Variants in MSR1 observed in about 807,000 individuals in gnomAD.
The protein encoded by MSR1 is macrophage scavenger receptor 1.
A neutral mutation model predicts 47.2 loss-of-function variants in MSR1; 53 were observed. The ratio of observed to expected loss-of-function variants is 1.12; its 90% CI spans 0.90 to 1.41. The LOEUF is 1.41. Ranked by LOEUF, MSR1 falls within the 40% of genes most tolerant of loss-of-function variation. MSR1 has a pLI of 0.00. For missense variants in MSR1, 786 were observed against 546.9 expected (o/e 1.44, Z -4.36); for synonymous variants, 239 against 185.6 (o/e 1.29, Z -2.34).
chr8:16,114,620 C>T (rs1434762223), intron 9 of MSR1, among the ~76,000 whole-genome samples: 1 of 152,000 alleles, frequency 6.6e-6, no homozygotes, highest in Non-Finnish European at 1.5e-5. Context: ...CAGTAGATGC[C>T]CCTCAGTGCT....
intron 5 of MSR1, among the ~76,000 whole-genome samples, chr8:16,156,182 C>T (rs543834103): frequency 6.6e-6 from 1 of 151,934 alleles, no homozygotes; most frequent in African/African-American, 2.4e-5. Flanking sequence ...CATAGATTCA[C>T]CACAGAATAA....
intron 2 of MSR1, 29 bp from the exon 3 acceptor site, chr8:16,175,329 G>A (rs1563166867): frequency 6.6e-7 from 1 of 1,522,364 alleles, no homozygotes; most frequent in African/African-American, 1.4e-5. Context: ...CCAGCCTACT[G>A]TTAGAAAGTG....
chr8:16,155,692 T>C (rs543797436), intron 5 of MSR1, among the ~76,000 whole-genome samples: 1 of 151,898 alleles, frequency 6.6e-6, no homozygotes, highest in African/African-American at 2.4e-5. Context: ...GAAGTCTTCA[T>C]TGAGAAAGTA....
rs893672082 is a variant in MSR1, at chr8:16,178,346, C to T, written c.-4-354G>A. ...TTCAATTTCCACCTATGAGTGAGAA[C>T]ATGCGGTGTTTGGGTTTTTGTCCTT... On this transcript the variant is annotated intron_variant, in intron 1 of 9. Coordinates refer to ENST00000262101, the MANE Select transcript of MSR1 (RefSeq NM_138715.3). 6.0e-5 allele frequency among the ~76,000 whole-genome samples: 9 copies of T among 148,982 alleles called. No homozygotes were observed. The East Asian group carries it at 8.2e-4, about 14-fold the overall frequency.
At position 16,110,245 on chromosome 8, in the gene MSR1, A is replaced by G. The variant is rs372208622; in HGVS notation, c.1223-27T>C. On this transcript the variant is annotated intron_variant, in intron 9 of 9. Transcript: ENST00000262101. ...TGCAATAATGAGGTATAACTGCATT[A>G]GTAAGTTTAGAGTTTAGTGTTTCTC... 7.4e-6 allele frequency: 12 copies of G among 1,612,146 alleles called. No individual in the cohort carries two copies. The African/African-American group carries it at 1.6e-4, about 21-fold the overall frequency.
chr8:16,111,382 G>T (rs1487801099), intron 9 of MSR1, among the ~76,000 whole-genome samples: 1 of 152,104 alleles, frequency 6.6e-6, no homozygotes, highest in East Asian at 1.9e-4. Context: ...TCATAATTTG[G>T]AGAGTGCGAG....
chr8:16,134,347 T>A (rs1280064816), intron 8 of MSR1, among the ~76,000 whole-genome samples: 1 of 152,130 alleles, frequency 6.6e-6, no homozygotes, highest in Admixed American at 6.6e-5. Context: ...ATGTATAGTG[T>A]TTTCCTAATA....
At chr8:16,141,120 C>T (rs984769788) in intron 8 of MSR1, 1 of 1,509,998 alleles carries the variant, frequency 6.6e-7, no homozygotes, top group Non-Finnish European at 9.1e-7. Context: ...TTTAAAGATG[C>T]ATATGAAAAC....
chr8:16,152,639 G>A (rs1800892207), intron 6 of MSR1, among the ~76,000 whole-genome samples: 1 of 151,974 alleles, frequency 6.6e-6, no homozygotes. Context: ...TGATCACATT[G>A]GGCATAAACA....
intron 8 of MSR1, chr8:16,121,077 G>A: frequency 2.6e-6 from 1 of 381,592 alleles, no homozygotes; most frequent in Non-Finnish European, 5.1e-6. Flanking sequence ...CACAAAAATA[G>A]GTGATCAAAC....
intron 1 of MSR1, among the ~76,000 whole-genome samples, chr8:16,182,524 C>A (rs1027167966): frequency 1.3e-5 from 2 of 151,772 alleles, no homozygotes; most frequent in Admixed American, 1.3e-4. Context: ...AAAATAATTT[C>A]TTTCTAAACA....
chr8:16,188,684 C>G (rs900963595), intron 1 of MSR1, among the ~76,000 whole-genome samples: 2 of 151,832 alleles, frequency 1.3e-5, no homozygotes, highest in African/African-American at 4.8e-5. Context: ...CTGACAGGCC[C>G]CGGTGTGTGA....
Position 16,150,297 on chromosome 8 carries a change from T to G in MSR1, c.913A>C (p.Lys305Gln). The change falls in exon 7 of 10, where the codon AAA becomes CAA. Residue 305 changes from lysine (K) to glutamine (Q), a missense_variant. Transcript: ENST00000262101. ...FPGPIGPPGL[K>Q]GDRGAIGFPG... is the part of the protein sequence containing the mutation. Reference sequence around the variant, plus strand: ...AAGCCAATTGCTCCCCGATCACCTTTAAGACCCGGAGGACCTACATTATTA... The same window carrying G: ...AAGCCAATTGCTCCCCGATCACCTTGAAGACCCGGAGGACCTACATTATTA... 3.8e-6 allele frequency: 6 copies of G among 1,576,166 alleles called. No homozygotes were observed. Among genetic ancestry groups the G allele is most frequent in the African/African-American group, 1.4e-5 (1 of 73,780 alleles).
chr8:16,165,987 C>T (rs1446059161), intron 4 of MSR1, among the ~76,000 whole-genome samples: 2 of 151,976 alleles, frequency 1.3e-5, no homozygotes, highest in Non-Finnish European at 2.9e-5. Flanking sequence ...TAGGGCACAC[C>T]GCCATGATAA....
intron 1 of MSR1, among the ~76,000 whole-genome samples, chr8:16,183,801 T>C (rs1157698290): frequency 7.0e-6 from 1 of 143,456 alleles, no homozygotes; most frequent in African/African-American, 2.5e-5. Flanking sequence ...ATATATTATA[T>C]TAGTTGGCAA....
chr8:16,191,467 C>A (rs1469518685), intron 1 of MSR1, among the ~76,000 whole-genome samples: 1 of 152,004 alleles, frequency 6.6e-6, no homozygotes, highest in African/African-American at 2.4e-5. Context: ...TTGTAAATTG[C>A]CTGGTACACA....
chr8:16,183,309 G>C (rs1801890282), intron 1 of MSR1, among the ~76,000 whole-genome samples: 1 of 151,846 alleles, frequency 6.6e-6, no homozygotes, highest in South Asian at 2.1e-4. Context: ...GAAGACTTTT[G>C]AATCTGATAA....
chr8:16,109,479 G>C lies in MSR1; in HGVS notation c.*606C>G, dbSNP rs138205922. The C allele has an allele frequency of 2.0e-3, 311 of 152,994 alleles. 1 individual carries two copies. Among genetic ancestry groups the C allele is most frequent in the African/African-American group, 7.2e-3 (298 of 41,532 alleles). The allele number at this position is 152,994 out of a possible 1,614,324, so 9.5% of individuals were successfully genotyped here. On this transcript the variant is annotated 3_prime_UTR_variant, in exon 10 of 10. Coordinates refer to ENST00000262101, the MANE Select transcript of MSR1 (RefSeq NM_138715.3). ...ATTTACTTCATGATTCAATTAAACAGTTGTCAGTACATGACAAGAAAAATA... is the reference window on the plus strand; with the variant it reads ...ATTTACTTCATGATTCAATTAAACACTTGTCAGTACATGACAAGAAAAATA...
chr8:16,123,889 A>C (rs2117069842), intron 8 of MSR1, among the ~76,000 whole-genome samples: 1 of 152,266 alleles, frequency 6.6e-6, no homozygotes, highest in Middle Eastern at 3.4e-3. Flanking sequence ...ACTTGTACTC[A>C]AGCTTCTTTC....
Sources: allele counts gnomAD v4.1 joint callset (sites outside exome capture counted in the v4.1 genomes callset), GRCh38; gene constraint gnomAD v4.1.1; transcripts MANE v1.5; gene names NCBI Gene and HGNC (gene_info 2026-07-23, HGNC 2026-07-21).